The following RBM4 variants were observed in gnomAD, a reference collection of about 807,000 sequenced individuals.
The protein encoded by RBM4 is RNA binding motif protein 4.
A neutral mutation model predicts 29.5 loss-of-function variants in RBM4; 7 were observed. That is an observed-to-expected ratio of 0.24 (90% CI 0.14 to 0.45). RBM4 has a LOEUF of 0.45. Ranked by LOEUF, RBM4 falls within the 20% of genes least tolerant of loss-of-function variation. RBM4 has a pLI of 1.00. For missense variants in RBM4, 387 were observed against 502.3 expected (o/e 0.77, Z 2.19); for synonymous variants, 220 against 205.4 (o/e 1.07, Z -0.61).
At chr11:66,640,308 A>G (rs1314065240) in intron 2 of RBM4, 185 bp downstream of exon 2, 11 of 780,304 alleles carry the variant, frequency 1.4e-5, no homozygotes, top group African/African-American at 8.7e-5. Context: ...ACCTTAGGCA[A>G]ATGTCTCCTG....
At chr11:66,640,978 A>T (rs746291084) in intron 2 of RBM4, 2 of 152,162 alleles carry the variant, frequency 1.3e-5, no homozygotes, top group Non-Finnish European at 1.5e-5. Flanking sequence ...CAGATTTGGG[A>T]TGCTAAAATG....
downstream of RBM4, among the ~76,000 whole-genome samples, chr11:66,650,546 G>A (rs1008437093): frequency 6.6e-6 from 1 of 151,080 alleles, no homozygotes; most frequent in Non-Finnish European, 1.5e-5. Flanking sequence ...ACTCCAGCCT[G>A]GGCAACGAGA....
At chr11:66,663,734 A>G (rs1939133905) in intron 2 of RBM4, among the ~76,000 whole-genome samples, 1 of 141,534 alleles carries the variant, frequency 7.1e-6, no homozygotes, top group Non-Finnish European at 1.6e-5. Flanking sequence ...GTGTGTATAT[A>G]TGTTTTCTTT....
chr11:66,642,951 G>A (rs1938531891), intron 2 of RBM4, among the ~76,000 whole-genome samples: 1 of 152,216 alleles, frequency 6.6e-6, no homozygotes, highest in African/African-American at 2.4e-5. Flanking sequence ...TGTGGATTGA[G>A]TCTAGATCAT....
chr11:66,665,830 A>G (rs1328041640), intron 2 of RBM4: 4 of 1,505,814 alleles, frequency 2.7e-6, no homozygotes, highest in Non-Finnish European at 3.6e-6. Flanking sequence ...TTGGTGATAA[A>G]TACATCTTTC....
chr11:66,643,757 C>G lies in RBM4; in HGVS notation c.720C>G (p.Ser240=). ...AGGCAGTGGCAGCTGCAGCTGCCTC[C>G]GTGTATAATTACGCAGAGCAGACCC... is the stretch of plus-strand genomic sequence containing the variant. ...SYEAVAAAAA[S]VYNYAEQTLS... The change falls in exon 3 of 4, where the codon TCC becomes TCG. Residue 240 remains serine (S), a synonymous_variant. Coordinates refer to ENST00000310092, the MANE Select transcript of RBM4 (RefSeq NM_002896.4). This position sits in a 1 kb window ranked among gnomAD's most constrained non-coding sequence, Gnocchi z 6.1. The G allele has an allele frequency of 6.2e-7, 1 of 1,614,054 alleles. No individual in the cohort carries two copies. The highest frequency in any genetic ancestry group is 1.1e-5 in the South Asian group (1 of 91,082).
At chr11:66,661,801 G>C (rs1221294879) in intron 2 of RBM4, among the ~76,000 whole-genome samples, 1 of 152,180 alleles carries the variant, frequency 6.6e-6, no homozygotes, top group Non-Finnish European at 1.5e-5. Flanking sequence ...AAGCCGAGGT[G>C]GGTGGATCAC....
chr11:66,647,448 A>G (rs1938725155), downstream of RBM4, among the ~76,000 whole-genome samples: 5 of 152,316 alleles, frequency 3.3e-5, no homozygotes, highest in South Asian at 1.0e-3. Flanking sequence ...TTTGTACGTG[A>G]AGCCTGTGCT....
intron 2 of RBM4, among the ~76,000 whole-genome samples, chr11:66,642,205 T>A (rs149768078): frequency 6.6e-6 from 1 of 152,380 alleles, no homozygotes; most frequent in East Asian, 1.9e-4. Context: ...AATCTAACAT[T>A]AATTTTGCAA....
chr11:66,639,479 G>C, intron 1 of RBM4: 1 of 609,188 alleles, frequency 1.6e-6, no homozygotes, highest in Non-Finnish European at 2.8e-6. Context: ...GTCTACTAAG[G>C]ACCTCCCTAT....
downstream of RBM4, among the ~76,000 whole-genome samples, chr11:66,648,017 A>G (rs1195209500): frequency 6.6e-6 from 1 of 152,078 alleles, no homozygotes; most frequent in Non-Finnish European, 1.5e-5. Flanking sequence ...ATCCTGACCA[A>G]CATGGTGAAA....
chr11:66,665,521 G>A (rs1439601174), intron 2 of RBM4: 3 of 1,363,456 alleles, frequency 2.2e-6, no homozygotes, highest in African/African-American at 2.9e-5. Flanking sequence ...AGGGGACCGC[G>A]CGGAGCAAGT....
At chr11:66,648,173 T>C (rs1938747386), downstream of RBM4, among the ~76,000 whole-genome samples, 1 of 152,100 alleles carries the variant, frequency 6.6e-6, no homozygotes, top group Non-Finnish European at 1.5e-5. Context: ...GCCACTGCAC[T>C]CCAGCCTGGG....
chr11:66,664,490 C>T (rs953062914), intron 2 of RBM4, among the ~76,000 whole-genome samples: 4 of 150,820 alleles, frequency 2.7e-5, no homozygotes, highest in African/African-American at 7.3e-5. Flanking sequence ...GATGGAGTTT[C>T]GCTCTTGTTG....
At chr11:66,657,458 G>A (rs1938970750) in intron 2 of RBM4, among the ~76,000 whole-genome samples, 1 of 151,564 alleles carries the variant, frequency 6.6e-6, no homozygotes, top group Non-Finnish European at 1.5e-5. Context: ...CGAGGGGGTG[G>A]ATCACTTGAG....
Position 66,643,525 on chromosome 11 carries a change from A to T in RBM4, c.488A>T (p.Tyr163Phe). ...APGMGDQSGC[Y>F]RCGKEGHWSK... The stretch of plus-strand genomic sequence containing the variant: ...GGGATGGGAGACCAGAGCGGCTGCT[A>T]TCGGTGCGGGAAAGAGGGGCACTGG... Residue 163 changes from tyrosine to phenylalanine, a missense_variant, in exon 3 of 4, where the codon TAT becomes TTT. Physicochemically the swap from Tyr to Phe is conservative, Grantham distance 22. Transcript: ENST00000310092. This position sits in a 1 kb window ranked among gnomAD's most constrained non-coding sequence, Gnocchi z 6.1. The T allele has an allele frequency of 6.2e-7, 1 of 1,614,110 alleles. No individual in the cohort carries two copies. Among genetic ancestry groups the T allele is most frequent in the Non-Finnish European group, 8.5e-7 (1 of 1,180,010 alleles).
exon 3 of RBM4, chr11:66,666,556 G>C (rs1939235714): frequency 9.1e-6 from 4 of 438,018 alleles, no homozygotes; most frequent in Non-Finnish European, 1.2e-5. Flanking sequence ...ACCACTGCTT[G>C]CAGTCAAAAT....
intron 2 of RBM4, chr11:66,665,760 T>G: frequency 7.7e-7 from 1 of 1,302,386 alleles, no homozygotes; most frequent in Non-Finnish European, 1.0e-6. Context: ...AATAGCTATA[T>G]ATAGGAATCC....
intron 2 of RBM4, chr11:66,640,395 G>A (rs965071791): frequency 9.3e-6 from 5 of 536,126 alleles, no homozygotes; most frequent in Non-Finnish European, 1.3e-5. Flanking sequence ...TTTCTTTGAA[G>A]GCTTTCTGAG....
Sources: gnomAD v4.1 joint callset for allele counts (sites outside exome capture counted in the v4.1 genomes callset) on GRCh38, gnomAD v4.1.1 for gene constraint, Gnocchi (gnomAD v3.1) non-coding constraint, MANE v1.5 for transcripts, NCBI Gene and HGNC (gene_info 2026-07-23, HGNC 2026-07-21) for gene names.